Variants in SGIP1 observed in about 807,000 individuals in gnomAD.
SGIP1 encodes SH3GL interacting endocytic adaptor 1, also known as SH3-containing GRB2-like protein 3-interacting protein 1.
Under a neutral mutation model 107.5 loss-of-function variants are expected in SGIP1, and 38 were observed. That is an observed-to-expected ratio of 0.35 (90% CI 0.27 to 0.46). The LOEUF is 0.46. Among genes scored for constraint, SGIP1 ranks in the 20% least tolerant of loss-of-function variants. The pLI is 1.00. For missense variants in SGIP1, 929 were observed against 1,019.5 expected (o/e 0.91, Z 1.21); for synonymous variants, 365 against 366.1 (o/e 1.00, Z 0.03).
At chr1:66,667,592 C>G (rs1426401025) in intron 9 of SGIP1, 51 bp downstream of exon 9, 1 of 1,585,986 alleles carries the variant, frequency 6.3e-7, no homozygotes, top group Admixed American at 1.7e-5. Context: ...AAAATTGCTG[C>G]CAAGGCAAGG....
At chr1:66,567,769 C>G (rs976576042) in intron 1 of SGIP1, among the ~76,000 whole-genome samples, 1 of 152,052 alleles carries the variant, frequency 6.6e-6, no homozygotes, top group Non-Finnish European at 1.5e-5. Flanking sequence ...GAATCCTTTC[C>G]CCATTGCTTG....
Position 66,640,162 on chromosome 1 carries a change from A to C in SGIP1, c.228+329A>C. ...GCCTAGGGAAGCCAAAAGATTGGAC[A>C]CCCTGATCTAGCCCCCACACATATC... is the stretch of plus-strand genomic sequence containing the variant. On this transcript the variant is annotated intron_variant, in intron 5 of 24. Transcript: ENST00000371037. Among the ~76,000 whole-genome samples, 3 of 152,284 alleles carry C rather than the reference A, an allele frequency of 2.0e-5. No homozygotes were observed. In the South Asian group the frequency reaches 6.2e-4, roughly 32 times the overall value.
At chr1:66,620,042 A>G (rs922394631) in intron 1 of SGIP1, among the ~76,000 whole-genome samples, 2 of 152,186 alleles carry the variant, frequency 1.3e-5, no homozygotes, top group African/African-American at 4.8e-5. Context: ...GTAACATTTA[A>G]AAGTGGCTCA....
chr1:66,635,794 C>T, intron 3 of SGIP1, 150 bp from the exon 4 acceptor site: 1 of 736,734 alleles, frequency 1.4e-6, no homozygotes, highest in Non-Finnish European at 2.2e-6. Flanking sequence ...GCTTAAGGAA[C>T]CCTGCCAAGA....
intron 1 of SGIP1, among the ~76,000 whole-genome samples, chr1:66,590,852 TAG>T (rs141766394): frequency 0.13 from 19,945 of 152,132 alleles, 1,330 homozygotes; most frequent in South Asian, 0.14. Flanking sequence ...TCCAAAGTGC[TAG>T]AGTTACAGGC....
At chr1:66,621,982 G>A (rs1286980482) in intron 1 of SGIP1, among the ~76,000 whole-genome samples, 1 of 152,190 alleles carries the variant, frequency 6.6e-6, no homozygotes, top group Non-Finnish European at 1.5e-5. Context: ...GAAGAAATCT[G>A]ATGTCTCTGT....
intron 1 of SGIP1, among the ~76,000 whole-genome samples, chr1:66,537,372 TG>T (rs753809349): frequency 1.3e-5 from 2 of 152,138 alleles, no homozygotes; most frequent in Non-Finnish European, 2.9e-5. Context: ...AAGCTTACAA[TG>T]AAGTCTATGT....
chr1:66,742,538 C>T lies in SGIP1; in HGVS notation c.2465-535C>T, dbSNP rs763856421. On this transcript the variant is annotated intron_variant, in intron 24 of 24. Coordinates refer to ENST00000371037, the MANE Select transcript of SGIP1 (RefSeq NM_032291.4). ...AGGCTGGAGTGCAGTGGCGCTATCC[C>T]GGCTCACTGCAAGCTCCGCCTCTTG... Among the ~76,000 whole-genome samples, 85 of 127,042 alleles carry T rather than the reference C, an allele frequency of 6.7e-4. 1 individual carries two copies. The highest frequency in any genetic ancestry group is 7.8e-4 in the Non-Finnish European group (49 of 62,788). The allele number at this position is 127,042 out of a possible 152,430, so 83.3% of individuals were successfully genotyped here.
intron 15 of SGIP1, among the ~76,000 whole-genome samples, chr1:66,688,832 A>G (rs543408599): frequency 6.6e-6 from 1 of 152,290 alleles, no homozygotes; most frequent in East Asian, 1.9e-4. Flanking sequence ...ATGTGATGAT[A>G]ATGAAAGGTA....
chr1:66,703,217 CAAGAAATAG>C (rs2092142490), intron 18 of SGIP1, among the ~76,000 whole-genome samples: 1 of 152,056 alleles, frequency 6.6e-6, no homozygotes, highest in African/African-American at 2.4e-5. Context: ...CAGTAATTCA[CAAGAAATAG>C]AAGAATAGAA....
chr1:66,699,289 C>G (rs2091509992), intron 18 of SGIP1, among the ~76,000 whole-genome samples: 1 of 152,090 alleles, frequency 6.6e-6, no homozygotes, highest in South Asian at 2.1e-4. Context: ...CAAAGCCTTC[C>G]TGATTGTGAG....
At chr1:66,635,725 G>A (rs2075644855) in intron 3 of SGIP1, among the ~76,000 whole-genome samples, 1 of 152,004 alleles carries the variant, frequency 6.6e-6, no homozygotes, top group Non-Finnish European at 1.5e-5. Context: ...TCTTCTCTTG[G>A]CCTAACCAAG....
At chr1:66,534,578 A>G (rs185328384) in intron 1 of SGIP1, among the ~76,000 whole-genome samples, 1 of 152,312 alleles carries the variant, frequency 6.6e-6, no homozygotes, top group African/African-American at 2.4e-5. Context: ...GAACCTACAG[A>G]GCTCCCAGCT....
chr1:66,626,318 CAG>C (rs1327959223), intron 2 of SGIP1, among the ~76,000 whole-genome samples: 2 of 151,962 alleles, frequency 1.3e-5, no homozygotes, highest in African/African-American at 4.8e-5. Flanking sequence ...TAGCCAGAAA[CAG>C]AAATGTAGAC....
chr1:66,643,913 C>A (rs2077196328), intron 7 of SGIP1, 194 bp downstream of exon 7: 2 of 392,578 alleles, frequency 5.1e-6, no homozygotes, highest in Non-Finnish European at 8.7e-6. Context: ...AGTCCTTGTG[C>A]TTTTCAAAAA....
chr1:66,648,286 T>C (rs1248044983), intron 7 of SGIP1, among the ~76,000 whole-genome samples: 5 of 152,160 alleles, frequency 3.3e-5, no homozygotes, highest in South Asian at 2.1e-4. Flanking sequence ...CAAGGAAACC[T>C]TCTGAAGAAG....
chr1:66,589,163 C>CATATAT (rs55788345), intron 1 of SGIP1, among the ~76,000 whole-genome samples: 18 of 69,824 alleles, frequency 2.6e-4, no homozygotes, highest in Non-Finnish European at 3.8e-4. Flanking sequence ...TAAAAGTTTA[C>CATATAT]ATATATATAT....
At chr1:66,625,109 A>G (rs1164481729) in intron 1 of SGIP1, among the ~76,000 whole-genome samples, 1 of 152,250 alleles carries the variant, frequency 6.6e-6, no homozygotes, top group Non-Finnish European at 1.5e-5. Flanking sequence ...TTGATATATC[A>G]TAATACATAT....
At chr1:66,727,463 G>C (rs551833886) in intron 19 of SGIP1, among the ~76,000 whole-genome samples, 148 of 152,244 alleles carry the variant, frequency 9.7e-4, no homozygotes, top group African/African-American at 3.5e-3. Context: ...TTCCACTTTA[G>C]AAAACAGTTA....
Sources: allele counts gnomAD v4.1 joint callset (sites outside exome capture counted in the v4.1 genomes callset), GRCh38; gene constraint gnomAD v4.1.1; transcripts MANE v1.5; gene names NCBI Gene and HGNC (gene_info 2026-07-23, HGNC 2026-07-21).